Variants in SLC39A8 observed in about 807,000 individuals in gnomAD.
The protein encoded by SLC39A8 is solute carrier family 39 member 8.
SLC39A8 carries 15 observed loss-of-function variants against 40.4 expected under a neutral mutation model. The ratio of observed to expected loss-of-function variants is 0.37; its 90% CI spans 0.25 to 0.57. SLC39A8 has a LOEUF of 0.57. SLC39A8 is among the 20% of genes least tolerant of loss of function. SLC39A8 has a pLI of 0.75. For synonymous variants in SLC39A8, 223 were observed against 221.6 expected (o/e 1.01, Z -0.06); for missense variants, 472 against 558.8 (o/e 0.84, Z 1.57).
At chr4:102,338,203 T>G (rs939183479) in intron 2 of SLC39A8, among the ~76,000 whole-genome samples, 1 of 151,208 alleles carries the variant, frequency 6.6e-6, no homozygotes, top group Non-Finnish European at 1.5e-5. Context: ...TTTTTTTTTT[T>G]CGAGACGGAG....
At chr4:102,316,498 A>G (rs1459088661) in intron 2 of SLC39A8, among the ~76,000 whole-genome samples, 1 of 152,168 alleles carries the variant, frequency 6.6e-6, no homozygotes, top group African/African-American at 2.4e-5. Flanking sequence ...ATTAGGAAAA[A>G]AACTGCAAAA....
chr4:102,286,254 A>G (rs964135871), intron 6 of SLC39A8, among the ~76,000 whole-genome samples: 1 of 152,132 alleles, frequency 6.6e-6, no homozygotes, highest in African/African-American at 2.4e-5. Context: ...CTTGAACCTC[A>G]TATATTATTG....
At position 102,344,561 on chromosome 4, in the gene SLC39A8, C is replaced by A; in HGVS notation, c.102G>T (p.Leu34=). Residue 34 remains leucine (L), a synonymous_variant, in exon 2 of 9, where the codon CTG becomes CTT. Transcript: ENST00000356736. ...GPGLAFSEDV[L]SVFGANLSLS... is the part of the protein sequence containing the mutation. ...GGCTCAGATTCGCGCCGAACACGCTCAGCACATCCTCGCTGAAGGCTAGCC... is the reference window on the plus strand; with the variant it reads ...GGCTCAGATTCGCGCCGAACACGCTAAGCACATCCTCGCTGAAGGCTAGCC... The A allele has an allele frequency of 6.4e-7, 1 of 1,553,298 alleles. No homozygotes were observed. Among genetic ancestry groups the A allele is most frequent in the East Asian group, 2.4e-5 (1 of 41,084 alleles).
rs1424833214 is a variant in SLC39A8, at chr4:102,262,594, T to G, written c.*450A>C. On this transcript the variant is annotated 3_prime_UTR_variant, in exon 9 of 9. Coordinates refer to ENST00000356736, the MANE Select transcript of SLC39A8 (RefSeq NM_001135146.2). ...GTTGCATACATTTTACCTTCTACAT[T>G]TTGATGTACTTGCTCTTGAAAGCAC... The G allele has an allele frequency of 4.1e-6, 4 of 985,314 alleles. No individual in the cohort carries two copies. The African/African-American group carries it at 7.0e-5, about 17-fold the overall frequency. 61.0% of individuals were successfully genotyped at this position (985,314 alleles called of 1,614,324 possible). A position where few individuals can be genotyped will look rare whatever the true frequency, so the allele number is the denominator to read the frequency against.
chr4:102,317,601 C>T (rs1463528819), intron 2 of SLC39A8, among the ~76,000 whole-genome samples: 1 of 152,102 alleles, frequency 6.6e-6, no homozygotes, highest in African/African-American at 2.4e-5. Flanking sequence ...AGCATAATTG[C>T]TAGATTCAAA....
At chr4:102,329,517 G>A (rs1026808358) in intron 2 of SLC39A8, among the ~76,000 whole-genome samples, 8 of 151,790 alleles carry the variant, frequency 5.3e-5, no homozygotes, top group Admixed American at 1.3e-4. Context: ...CAGCTATTTC[G>A]GAAGCTGAGA....
intron 2 of SLC39A8, 44 bp downstream of exon 2, chr4:102,344,400 G>C: frequency 7.3e-7 from 1 of 1,368,272 alleles, no homozygotes; most frequent in Non-Finnish European, 9.7e-7. Flanking sequence ...TGAAGTCTAG[G>C]GACACCCACA....
downstream of SLC39A8, among the ~76,000 whole-genome samples, chr4:102,260,839 C>T (rs1731829164): frequency 6.6e-6 from 1 of 152,316 alleles, no homozygotes; most frequent in Admixed American, 6.5e-5. Flanking sequence ...GTGATTACAG[C>T]ATACCATTTG....
At chr4:102,278,137 G>A (rs1265327467) in intron 6 of SLC39A8, among the ~76,000 whole-genome samples, 1 of 152,126 alleles carries the variant, frequency 6.6e-6, no homozygotes, top group Non-Finnish European at 1.5e-5. Context: ...TTGACAAATG[G>A]GATCTAATTA....
intron 6 of SLC39A8, among the ~76,000 whole-genome samples, chr4:102,294,930 A>G (rs1733616489): frequency 6.6e-6 from 1 of 151,946 alleles, no homozygotes; most frequent in South Asian, 2.1e-4. Flanking sequence ...TTAAGTCTGA[A>G]ATTTCCAAGT....
chr4:102,315,935 T>C, intron 2 of SLC39A8, 105 bp from the exon 3 acceptor site: 1 of 894,768 alleles, frequency 1.1e-6, no homozygotes, highest in African/African-American at 1.7e-5. Flanking sequence ...TGCACAGCAC[T>C]CTTTATACAA....
At chr4:102,289,092 T>G (rs1242367153) in intron 6 of SLC39A8, among the ~76,000 whole-genome samples, 1 of 152,146 alleles carries the variant, frequency 6.6e-6, no homozygotes, top group Non-Finnish European at 1.5e-5. Context: ...CTCTCTTGTT[T>G]GGGGTTAATG....
chr4:102,283,085 T>A (rs946554439), intron 6 of SLC39A8, among the ~76,000 whole-genome samples: 1 of 152,176 alleles, frequency 6.6e-6, no homozygotes, highest in African/African-American at 2.4e-5. Context: ...GACTTACATA[T>A]TTTTTCAGAA....
chr4:102,272,339 TGAGGCAG>T (rs1281675939), intron 6 of SLC39A8, among the ~76,000 whole-genome samples: 1 of 151,534 alleles, frequency 6.6e-6, no homozygotes, highest in East Asian at 2.0e-4. Flanking sequence ...CTCAGGAGGC[TGAGGCAG>T]GAGGATGGTG....
chr4:102,321,547 A>G (rs1717173745), intron 2 of SLC39A8, among the ~76,000 whole-genome samples: 1 of 152,200 alleles, frequency 6.6e-6, no homozygotes, highest in Admixed American at 6.5e-5. Context: ...TTTTCGCCCA[A>G]TAAATTCCAT....
intron 2 of SLC39A8, among the ~76,000 whole-genome samples, chr4:102,316,402 G>T (rs759758584): frequency 6.6e-6 from 1 of 152,120 alleles, no homozygotes; most frequent in East Asian, 1.9e-4. Context: ...TCTCAATGAC[G>T]TTGGGTAACT....
intron 5 of SLC39A8, among the ~76,000 whole-genome samples, chr4:102,304,682 C>T (rs994855816): frequency 3.3e-5 from 5 of 150,984 alleles, no homozygotes; most frequent in Admixed American, 1.3e-4. Flanking sequence ...ACTGTTTGTT[C>T]GTGTTAGAAC....
At chr4:102,344,298 C>T in intron 2 of SLC39A8, 146 bp downstream of exon 2, 2 of 577,706 alleles carry the variant, frequency 3.5e-6, no homozygotes, top group Non-Finnish European at 5.7e-6. Flanking sequence ...TAGTGAAAAG[C>T]AAGTGTCACC....
At chr4:102,286,261 A>G (rs1733175119) in intron 6 of SLC39A8, among the ~76,000 whole-genome samples, 1 of 152,128 alleles carries the variant, frequency 6.6e-6, no homozygotes, top group Admixed American at 6.6e-5. Flanking sequence ...CTCATATATT[A>G]TTGGTTCATT....
Sources: gnomAD v4.1 joint callset for allele counts (sites outside exome capture counted in the v4.1 genomes callset) on GRCh38, gnomAD v4.1.1 for gene constraint, MANE v1.5 for transcripts, NCBI Gene and HGNC (gene_info 2026-07-23, HGNC 2026-07-21) for gene names.